The following RPA1 variants were observed in gnomAD, a reference collection of about 807,000 sequenced individuals.
RPA1 encodes the protein replication protein A 70 kDa DNA-binding subunit.
RPA1 carries 49 observed loss-of-function variants against 83.0 expected under a neutral mutation model. The ratio of observed to expected loss-of-function variants is 0.59; its 90% CI spans 0.47 to 0.75. The LOEUF (loss-of-function observed/expected upper bound fraction) is 0.75, where lower values mean the gene tolerates loss of function less well. Among genes scored for constraint, RPA1 ranks in the 30% least tolerant of loss-of-function variants. The probability of loss-of-function intolerance (pLI) is 0.00; values close to 1 mark genes in which losing one functional copy is unlikely to be tolerated. For synonymous variants in RPA1, 279 were observed against 281.8 expected (o/e 0.99, Z 0.10); for missense variants, 693 against 776.1 (o/e 0.89, Z 1.27).
intron 5 of RPA1, chr17:1,858,471 T>TA: frequency 1.5e-6 from 1 of 653,250 alleles, no homozygotes. Flanking sequence ...TCTCTTTTTC[T>TA]TTTTTTTTTT....
intron 16 of RPA1, among the ~76,000 whole-genome samples, chr17:1,895,310 G>A (rs1258817589): frequency 2.0e-5 from 3 of 151,292 alleles, no homozygotes; most frequent in East Asian, 1.9e-4. Flanking sequence ...GGGGGGTGGG[G>A]AATACAATAT....
chr17:1,870,720 A>G (rs1913347117), intron 5 of RPA1, among the ~76,000 whole-genome samples: 1 of 152,232 alleles, frequency 6.6e-6, no homozygotes. Context: ...CTACATTTTT[A>G]TAGAAATTGA....
intron 1 of RPA1, among the ~76,000 whole-genome samples, chr17:1,835,049 G>A (rs1002876322): frequency 2.0e-5 from 3 of 152,038 alleles, no homozygotes; most frequent in Non-Finnish European, 2.9e-5. Context: ...ATGAGGTTTC[G>A]TCATGTTGTC....
At chr17:1,874,695 C>T (rs967476748) in intron 6 of RPA1, among the ~76,000 whole-genome samples, 2 of 152,324 alleles carry the variant, frequency 1.3e-5, no homozygotes, top group East Asian at 1.9e-4. Flanking sequence ...TGTCCTTACA[C>T]GATCTTGAGG....
rs374059430 is a variant in RPA1 at position 1,897,113 on chromosome 17, G to T, written c.1789G>T (p.Val597Leu). Residue 597 changes from valine (V) to leucine (L), a missense_variant, in exon 17 of 17, where the codon GTG (valine) becomes TTG (leucine). Physicochemically the swap from Val to Leu is conservative, Grantham distance 32. Transcript: ENST00000254719. ...IKATVMDVKP[V>L]DYREYGRRLV... is the part of the protein sequence containing the mutation. ...GGCCACTGTGATGGACGTGAAGCCC[G>T]TGGACTACAGAGAGTATGGCCGAAG... 3 of 1,572,956 alleles carry T rather than the reference G, an allele frequency of 1.9e-6. No individual in the cohort carries two copies. In the Admixed American group the frequency reaches 5.6e-5, roughly 29 times the overall value.
At chr17:1,851,751 C>T (rs893813910) in intron 4 of RPA1, among the ~76,000 whole-genome samples, 1 of 152,074 alleles carries the variant, frequency 6.6e-6, no homozygotes, top group Admixed American at 6.6e-5. Context: ...ATATCTGCCA[C>T]TAAGTATCAG....
At chr17:1,854,859 A>T (rs1312826464) in intron 5 of RPA1, among the ~76,000 whole-genome samples, 1 of 152,226 alleles carries the variant, frequency 6.6e-6, no homozygotes, top group Non-Finnish European at 1.5e-5. Context: ...AGAAAAATAG[A>T]TGGTTCACTA....
chr17:1,868,025 AG>A (rs1291558796), intron 5 of RPA1, among the ~76,000 whole-genome samples: 1 of 152,140 alleles, frequency 6.6e-6, no homozygotes, highest in Non-Finnish European at 1.5e-5. Context: ...CAAGGCCTGC[AG>A]TGAGCTATGA....
intron 4 of RPA1, among the ~76,000 whole-genome samples, chr17:1,852,205 G>T (rs1353848212): frequency 6.6e-6 from 1 of 152,158 alleles, no homozygotes. Flanking sequence ...AGCACTGAGG[G>T]ATACCTGTCT....
chr17:1,842,887 C>T (rs753716582), intron 2 of RPA1, 34 bp downstream of exon 2: 4 of 1,606,290 alleles, frequency 2.5e-6, no homozygotes, highest in Admixed American at 3.3e-5. Context: ...TCCATGTCAA[C>T]TTCTTTGGAG....
At chr17:1,851,221 C>T in intron 4 of RPA1, among the ~76,000 whole-genome samples, 1 of 151,988 alleles carries the variant, frequency 6.6e-6, no homozygotes, top group Non-Finnish European at 1.5e-5. Context: ...AAAAAAATAC[C>T]GTCCGTGTTG....
At chr17:1,882,554 G>A (rs968561451) in intron 12 of RPA1, among the ~76,000 whole-genome samples, 3 of 152,106 alleles carry the variant, frequency 2.0e-5, no homozygotes, top group African/African-American at 4.8e-5. Flanking sequence ...TGTAGTCCCA[G>A]CTACTCGGGA....
rs1194839693 is a variant in RPA1 at position 1,830,049 on chromosome 17, C to T, written c.-45C>T. Reference sequence around the variant, plus strand: ...AGCGCGCGGGACCCGGGTGGGGAAGCTGGAGCTGTTGCGGGGTCCGCGGGG... The same window carrying T: ...AGCGCGCGGGACCCGGGTGGGGAAGTTGGAGCTGTTGCGGGGTCCGCGGGG... On this transcript the variant is annotated 5_prime_UTR_variant, in exon 1 of 17. Coordinates refer to ENST00000254719, the MANE Select transcript of RPA1 (RefSeq NM_002945.5). 8.0e-6 allele frequency: 10 copies of T among 1,248,114 alleles called. No individual in the cohort carries two copies. Among genetic ancestry groups the T allele is most frequent in the South Asian group, 4.1e-5 (1 of 24,414 alleles). The allele number at this position is 1,248,114 out of a possible 1,614,324, so 77.3% of individuals were successfully genotyped here.
intron 15 of RPA1, among the ~76,000 whole-genome samples, chr17:1,893,269 A>G (rs1914266237): frequency 6.6e-6 from 1 of 152,206 alleles, no homozygotes; most frequent in Non-Finnish European, 1.5e-5. Flanking sequence ...TTATGAGCTT[A>G]TTATATTTGA....
At chr17:1,865,089 A>G (rs1352373608) in intron 5 of RPA1, among the ~76,000 whole-genome samples, 1 of 152,220 alleles carries the variant, frequency 6.6e-6, no homozygotes, top group East Asian at 1.9e-4. Context: ...GGACCTTAGC[A>G]GTGAATTCAG....
chr17:1,853,814 A>C (rs968487453), intron 5 of RPA1, among the ~76,000 whole-genome samples: 2 of 152,234 alleles, frequency 1.3e-5, no homozygotes, highest in Admixed American at 1.3e-4. Flanking sequence ...CCTAAGACTT[A>C]TGTACACTTT....
In RPA1 at chr17:1,897,412, A is replaced by T. The variant is rs569402813; in HGVS notation, c.*237A>T. ...ACGGAGTCAGCCAGTGGCTAGCGCA[A>T]GACCAGTCACTCCCTCTGCCTTCAG... On this transcript the variant is annotated 3_prime_UTR_variant, in exon 17 of 17. Transcript: ENST00000254719. 24 of 445,046 alleles carry T rather than the reference A, an allele frequency of 5.4e-5. No homozygotes were observed. Among genetic ancestry groups the T allele is most frequent in the Middle Eastern group, 6.0e-4 (1 of 1,660 alleles). The allele number at this position is 445,046 out of a possible 1,614,324, so 27.6% of individuals were successfully genotyped here.
chr17:1,850,840 T>G (rs1047383528), intron 4 of RPA1, among the ~76,000 whole-genome samples: 4 of 152,028 alleles, frequency 2.6e-5, no homozygotes, highest in African/African-American at 9.7e-5. Context: ...TGCAGTGAGC[T>G]GAGATTGTGC....
chr17:1,873,348 G>A (rs973641597), intron 6 of RPA1, among the ~76,000 whole-genome samples: 8 of 152,094 alleles, frequency 5.3e-5, no homozygotes, highest in Non-Finnish European at 1.0e-4. Flanking sequence ...TTTACTTTCT[G>A]GCCTTTACTT....
Sources: gnomAD v4.1 joint callset for allele counts (sites outside exome capture counted in the v4.1 genomes callset) on GRCh38, gnomAD v4.1.1 for gene constraint, MANE v1.5 for transcripts, NCBI Gene and HGNC (gene_info 2026-07-23, HGNC 2026-07-21) for gene names.